AIM2: variants seen among roughly 807,000 people sequenced by gnomAD.
AIM2 encodes interferon-inducible protein AIM2.
A neutral mutation model predicts 27.7 loss-of-function variants in AIM2; 30 were observed. The ratio of observed to expected loss-of-function variants is 1.08; its 90% CI spans 0.81 to 1.47. The LOEUF (loss-of-function observed/expected upper bound fraction) is 1.47, where lower values mean the gene tolerates loss of function less well. Ranked by LOEUF, AIM2 falls within the 40% of genes most tolerant of loss-of-function variation. The pLI is 0.00. For missense variants in AIM2, 358 were observed against 411.3 expected (o/e 0.87, Z 1.12); for synonymous variants, 141 against 145.3 (o/e 0.97, Z 0.21).
At chr1:159,065,096 AG>A (rs1299344678) in intron 4 of AIM2, among the ~76,000 whole-genome samples, 1 of 152,180 alleles carries the variant, frequency 6.6e-6, no homozygotes. Context: ...AAACTAACCC[AG>A]GGCAGCAGAG....
chr1:159,128,718 G>GA (rs1432489574), intron 1 of AIM2, among the ~76,000 whole-genome samples: 1 of 152,034 alleles, frequency 6.6e-6, no homozygotes, highest in African/African-American at 2.4e-5. Flanking sequence ...CATTGCTAGG[G>GA]AAAATCACAC....
upstream of AIM2, among the ~76,000 whole-genome samples, chr1:159,145,300 G>A (rs972084581): frequency 2.6e-5 from 4 of 152,038 alleles, no homozygotes; most frequent in Non-Finnish European, 5.9e-5. Flanking sequence ...TCATCTTCAG[G>A]AGGTCTTGCC....
the AIM2 span, among the ~76,000 whole-genome samples, chr1:159,056,807 G>A: frequency 1.4e-5 from 2 of 144,056 alleles, no homozygotes; most frequent in East Asian, 2.2e-4. Context: ...CCAATCCTAA[G>A]CTGACCAGTT....
At chr1:159,084,733 C>T (rs769206791) in intron 1 of AIM2, among the ~76,000 whole-genome samples, 22 of 150,370 alleles carry the variant, frequency 1.5e-4, no homozygotes, top group Non-Finnish European at 3.0e-4. Context: ...GGTGATCAAA[C>T]CACTGCACTC....
downstream of AIM2, among the ~76,000 whole-genome samples, chr1:159,061,142 TCA>T (rs961263339): frequency 1.1e-4 from 16 of 152,244 alleles, 1 homozygote; most frequent in Admixed American, 9.8e-4. Context: ...CACAAGAGTT[TCA>T]GTTTTTCCAA....
At chr1:159,055,640 G>A in the AIM2 span, among the ~76,000 whole-genome samples, 1 of 152,200 alleles carries the variant, frequency 6.6e-6, no homozygotes, top group Non-Finnish European at 1.5e-5. Flanking sequence ...ATCCACTATA[G>A]TGATCTGATA....
intron 1 of AIM2, among the ~76,000 whole-genome samples, chr1:159,092,292 A>T (rs1176590442): frequency 4.6e-5 from 7 of 152,236 alleles, no homozygotes; most frequent in African/African-American, 1.7e-4. Context: ...AAGTTACTAC[A>T]TAATATGTAG....
At chr1:159,086,436 C>T (rs968174215) in intron 1 of AIM2, among the ~76,000 whole-genome samples, 1 of 152,214 alleles carries the variant, frequency 6.6e-6, no homozygotes, top group Non-Finnish European at 1.5e-5. Context: ...GGGGCCAGGC[C>T]CTTCCTGGCC....
intron 1 of AIM2, among the ~76,000 whole-genome samples, chr1:159,088,440 C>G (rs1212740251): frequency 6.6e-6 from 1 of 152,134 alleles, no homozygotes; most frequent in African/African-American, 2.4e-5. Flanking sequence ...TTCCCCAATT[C>G]AATATCAAAA....
At chr1:159,078,107 G>A (rs1656677867), upstream of AIM2, among the ~76,000 whole-genome samples, 1 of 152,180 alleles carries the variant, frequency 6.6e-6, no homozygotes, top group South Asian at 2.1e-4. Flanking sequence ...CCAGCTTTCA[G>A]CTCAAATAGC....
chr1:159,104,436 G>T (rs1021827565), intron 1 of AIM2, among the ~76,000 whole-genome samples: 1 of 152,146 alleles, frequency 6.6e-6, no homozygotes, highest in Non-Finnish European at 1.5e-5. Context: ...AAATAAGTAT[G>T]ATTGAAATAA....
chr1:159,068,240 C>T (rs2101973730), intron 3 of AIM2, among the ~76,000 whole-genome samples: 1 of 152,312 alleles, frequency 6.6e-6, no homozygotes, highest in Admixed American at 6.5e-5. Flanking sequence ...CTTCTCCTTT[C>T]ACTTCCTCAC....
At chr1:159,118,236 C>T (rs1647435808) in intron 1 of AIM2, among the ~76,000 whole-genome samples, 1 of 152,170 alleles carries the variant, frequency 6.6e-6, no homozygotes, top group Non-Finnish European at 1.5e-5. Context: ...TAATTTTAAA[C>T]CAGAATAAAA....
At chr1:159,079,242 CA>C (rs1345586901), upstream of AIM2, among the ~76,000 whole-genome samples, 4 of 151,958 alleles carry the variant, frequency 2.6e-5, no homozygotes, top group African/African-American at 9.7e-5. Context: ...GAACAAATTA[CA>C]GAAGAGATTT....
intron 1 of AIM2, among the ~76,000 whole-genome samples, chr1:159,110,552 T>C (rs954379225): frequency 3.9e-5 from 6 of 152,152 alleles, no homozygotes; most frequent in African/African-American, 1.2e-4. Context: ...ATTAAAAATA[T>C]TAAGCAGATT....
chr1:159,121,686 T>G (rs922517672), intron 1 of AIM2, among the ~76,000 whole-genome samples: 1 of 152,178 alleles, frequency 6.6e-6, no homozygotes, highest in Non-Finnish European at 1.5e-5. Flanking sequence ...GGTGCTCCAC[T>G]GACAAAGCTG....
chr1:159,104,032 CT>C (rs567631835), intron 1 of AIM2, among the ~76,000 whole-genome samples: 5 of 151,870 alleles, frequency 3.3e-5, no homozygotes, highest in South Asian at 2.1e-4. Context: ...AAAACCTACA[CT>C]TTTTTTATTT....
At chr1:159,142,397 A>G (rs1305963924), upstream of AIM2, among the ~76,000 whole-genome samples, 1 of 152,142 alleles carries the variant, frequency 6.6e-6, no homozygotes, top group African/African-American at 2.4e-5. Context: ...GTGAACGTAT[A>G]TGTGTGAGAG....
chr1:159,111,805 A>AC (rs1271710965), intron 1 of AIM2, among the ~76,000 whole-genome samples: 1,546 of 147,414 alleles, frequency 0.01, 23 homozygotes, highest in Admixed American at 0.019. Flanking sequence ...AAAAAAAAAA[A>AC]AAAAAAAAAC....
Sources: gnomAD v4.1 joint callset for allele counts (sites outside exome capture counted in the v4.1 genomes callset) on GRCh38, gnomAD v4.1.1 for gene constraint, MANE v1.5 for transcripts, NCBI Gene and HGNC (gene_info 2026-07-23, HGNC 2026-07-21) for gene names.